NRG4: variants seen among roughly 807,000 people sequenced by gnomAD.
NRG4 encodes the protein pro-neuregulin-4, membrane-bound isoform.
NRG4 carries 10 observed loss-of-function variants against 15.0 expected under a neutral mutation model. That is an observed-to-expected ratio of 0.67 (90% CI 0.41 to 1.13). NRG4 has a LOEUF of 1.13. Among genes scored for constraint, NRG4 ranks in the 50% most tolerant of loss-of-function variants. The pLI, the probability that NRG4 is intolerant of heterozygous loss-of-function variation, is 0.00. For synonymous variants in NRG4, 41 were observed against 50.1 expected, an observed-to-expected ratio of 0.82 and a Z score of 0.77; for missense variants, 139 against 140.2, an observed-to-expected ratio of 0.99 and a Z score of 0.04.
In NRG4 at chr15:75,943,023, A is replaced by T. The variant is rs1172958849; in HGVS notation, c.*615T>A. ...TTTCCAGTTACTTGCACCTAGAATT[A>T]GTCAATCTTTTGCAGTCAAAATTTT... is the stretch of plus-strand genomic sequence containing the variant. On this transcript the variant is annotated 3_prime_UTR_variant, in exon 6 of 6. Transcript: ENST00000394907. 6.6e-6 allele frequency: 1 copy of T among 152,236 alleles called. No homozygotes were observed. The highest frequency in any genetic ancestry group is 1.5e-5 in the Non-Finnish European group (1 of 68,040). The allele number at this position is 152,236 out of a possible 1,614,324, so 9.4% of individuals were successfully genotyped here.
rs1189149348 is a variant in NRG4, at chr15:75,942,286, G to A, written c.*1352C>T. ...TCCATAAAGACATACAACAAAAAGA[G>A]GACCCTTCATGTAAATTACAGGCTT... On this transcript the variant is annotated 3_prime_UTR_variant, in exon 6 of 6. Transcript: ENST00000394907. The A allele has an allele frequency of 6.6e-6, 1 of 152,018 alleles. No homozygotes were observed. The highest frequency in any genetic ancestry group is 2.4e-5 in the African/African-American group (1 of 41,354). 9.4% of individuals were successfully genotyped at this position (152,018 alleles called of 1,614,324 possible).
rs180937743 is a variant in NRG4 at position 75,965,335 on chromosome 15, G to C, written c.105-3361C>G. Among the ~76,000 whole-genome samples, 285 of 152,298 alleles carry C rather than the reference G, an allele frequency of 1.9e-3. 1 individual carries two copies. Among genetic ancestry groups the C allele is most frequent in the Non-Finnish European group, 3.2e-3 (221 of 68,032 alleles). ...AGTCAAGGGAATGGTGTAAATACAA[G>C]TTTGTAATCAGATCAGGGTTTATGC... On this transcript the variant is annotated intron_variant, in intron 3 of 5. Transcript: ENST00000394907.
chr15:76,043,493 A>G (rs1440609562), intron 4 of NRG4, among the ~76,000 whole-genome samples: 2 of 152,222 alleles, frequency 1.3e-5, no homozygotes, highest in African/African-American at 4.8e-5. Flanking sequence ...TAGCATTTCT[A>G]TATGCCAAAA....
intron 3 of NRG4, among the ~76,000 whole-genome samples, chr15:75,978,773 C>T (rs1381886700): frequency 6.6e-6 from 1 of 152,116 alleles, no homozygotes; most frequent in Non-Finnish European, 1.5e-5. Flanking sequence ...TTTTGATTTA[C>T]ATTTCCCCTA....
At position 76,024,662 on chromosome 15, in the gene NRG4, G is replaced by A. The variant is rs80022590; in HGVS notation, c.-57+11282C>T. ...AAGACTTCAAGTTGGCTGACTCACT[G>A]TGCATACTCGCACCTTGATCTGAGA... On this transcript the variant is annotated intron_variant, in intron 5 of 8. Coordinates refer to the NRG4 transcript ENST00000563910. Among the ~76,000 whole-genome samples, 77 of 152,308 alleles carry A rather than the reference G, an allele frequency of 5.1e-4. 1 individual carries two copies. The highest frequency in any genetic ancestry group is 9.1e-4 in the Non-Finnish European group (62 of 68,020).
intron 5 of NRG4, among the ~76,000 whole-genome samples, chr15:75,944,615 T>C (rs2031345037): frequency 6.6e-6 from 1 of 152,248 alleles, no homozygotes; most frequent in African/African-American, 2.4e-5. Flanking sequence ...GTTTTAAAAA[T>C]ATAATGTACC....
At chr15:76,022,127 T>G (rs948590412) in intron 5 of NRG4, among the ~76,000 whole-genome samples, 2 of 152,166 alleles carry the variant, frequency 1.3e-5, no homozygotes, top group Non-Finnish European at 1.5e-5. Flanking sequence ...TGGTTCCTAA[T>G]AGGCCACAGT....
At chr15:75,970,793 T>G (rs2033056942) in intron 3 of NRG4, among the ~76,000 whole-genome samples, 1 of 152,184 alleles carries the variant, frequency 6.6e-6, no homozygotes, top group African/African-American at 2.4e-5. Flanking sequence ...GAAGACAAAC[T>G]CCTTGCCCCC....
upstream of NRG4, among the ~76,000 whole-genome samples, chr15:76,015,812 CTTG>C (rs2034957443): frequency 6.6e-6 from 1 of 151,980 alleles, no homozygotes. Context: ...GTTTTGTTTT[CTTG>C]TTGTATCTCT....
At chr15:75,982,229 T>C (rs564062491) in intron 3 of NRG4, among the ~76,000 whole-genome samples, 1 of 152,266 alleles carries the variant, frequency 6.6e-6, no homozygotes, top group Admixed American at 6.5e-5. Context: ...TTCTCACGAA[T>C]GTCAACACAA....
chr15:75,970,792 C>T (rs1474204705), intron 3 of NRG4, among the ~76,000 whole-genome samples: 1 of 152,224 alleles, frequency 6.6e-6, no homozygotes, highest in African/African-American at 2.4e-5. Flanking sequence ...TGAAGACAAA[C>T]TCCTTGCCCC....
intron 3 of NRG4, among the ~76,000 whole-genome samples, chr15:75,989,616 T>C (rs1214302651): frequency 6.6e-6 from 1 of 152,222 alleles, no homozygotes; most frequent in African/African-American, 2.4e-5. Context: ...CAACTTTTCA[T>C]TTCAGATATT....
rs2035293350 is a variant in NRG4 at position 76,025,645 on chromosome 15, A to G, written c.-57+10299T>C. ...ATCCCAGCACTTTTGGGAGGCCAAG[A>G]CTGGTAGATCACTTGAGGTCAAAAG... is the stretch of plus-strand genomic sequence containing the variant. On this transcript the variant is annotated intron_variant, in intron 5 of 8. Transcript: ENST00000563910. 2.0e-5 allele frequency among the ~76,000 whole-genome samples: 3 copies of G among 152,184 alleles called. No individual in the cohort carries two copies. In the South Asian group the frequency reaches 6.2e-4, roughly 32 times the overall value.
At position 75,949,386 on chromosome 15, in the gene NRG4, G is replaced by T. The variant is rs1453750636; in HGVS notation, c.332-5732C>A. ...AGGTCATGCCACTGCACTCCAGCCT[G>T]GGTGACAAAAAAAAAAAAAAAAAAA... On this transcript the variant is annotated intron_variant, in intron 5 of 5. Transcript: ENST00000394907. Among the ~76,000 whole-genome samples, 4 of 31,172 alleles carry T rather than the reference G, an allele frequency of 1.3e-4. No individual in the cohort carries two copies. In the East Asian group the frequency reaches 3.3e-3, roughly 25 times the overall value. 20.5% of individuals were successfully genotyped at this position (31,172 alleles called of 152,430 possible).
chr15:75,953,885 C>G (rs1300081181), intron 5 of NRG4, among the ~76,000 whole-genome samples: 1 of 152,192 alleles, frequency 6.6e-6, no homozygotes, highest in Non-Finnish European at 1.5e-5. Context: ...TGAGGTCTCA[C>G]TATGTTTCCC....
chr15:76,041,399 A>G (rs2141954136), intron 4 of NRG4, among the ~76,000 whole-genome samples: 1 of 152,126 alleles, frequency 6.6e-6, no homozygotes, highest in East Asian at 1.9e-4. Context: ...AAAAACCCAA[A>G]AAAAACCCAC....
intron 3 of NRG4, among the ~76,000 whole-genome samples, chr15:75,962,432 T>G (rs190511613): frequency 2.5e-3 from 388 of 152,320 alleles, no homozygotes; most frequent in Non-Finnish European, 3.7e-3. Context: ...TTAACATATG[T>G]CAGATTTATA....
chr15:75,938,035 A>G (rs975441757), downstream of NRG4: 4 of 152,264 alleles, frequency 2.6e-5, no homozygotes, highest in Admixed American at 1.3e-4. Context: ...GGAAAGTTCT[A>G]AGACCCAAGC....
intron 3 of NRG4, among the ~76,000 whole-genome samples, chr15:75,996,686 G>A (rs2034228121): frequency 6.6e-6 from 1 of 152,048 alleles, no homozygotes; most frequent in African/African-American, 2.4e-5. Context: ...TCTACATAAT[G>A]ATAGTACTAG....
Sources: allele counts gnomAD v4.1 joint callset (sites outside exome capture counted in the v4.1 genomes callset), GRCh38; gene constraint gnomAD v4.1.1; transcripts MANE v1.5; gene names NCBI Gene and HGNC (gene_info 2026-07-23, HGNC 2026-07-21).